The following CDYL2 variants were observed in gnomAD, a reference collection of about 807,000 sequenced individuals.
The protein encoded by CDYL2 is chromodomain Y like 2, also known as chromodomain Y-like protein 2.
Under a neutral mutation model 49.4 loss-of-function variants are expected in CDYL2, and 23 were observed. The observed-to-expected ratio is 0.47, with a 90% confidence interval of 0.34 to 0.66. CDYL2 has a LOEUF of 0.66. CDYL2 is among the 30% of genes least tolerant of loss of function. The pLI is 0.01. For synonymous variants in CDYL2, 360 were observed against 268.8 expected (o/e 1.34, Z -3.32); for missense variants, 678 against 656.4 (o/e 1.03, Z -0.36).
chr16:80,797,160 C>G (rs1251503744), intron 1 of CDYL2, among the ~76,000 whole-genome samples: 9 of 152,170 alleles, frequency 5.9e-5, no homozygotes. Flanking sequence ...TTCCCAATCC[C>G]TATCGCCATG....
At chr16:80,779,855 C>T (rs1907206150) in intron 1 of CDYL2, among the ~76,000 whole-genome samples, 1 of 152,034 alleles carries the variant, frequency 6.6e-6, no homozygotes, top group Non-Finnish European at 1.5e-5. Context: ...GCTAAATTAA[C>T]AAATTATGAG....
intron 2 of CDYL2, among the ~76,000 whole-genome samples, chr16:80,642,270 C>G (rs1303704646): frequency 6.6e-6 from 1 of 151,952 alleles, no homozygotes; most frequent in Non-Finnish European, 1.5e-5. Flanking sequence ...TGATGAAACC[C>G]CATCTCTACT....
intron 3 of CDYL2, among the ~76,000 whole-genome samples, chr16:80,626,552 T>C (rs1907312957): frequency 6.6e-6 from 1 of 152,110 alleles, no homozygotes; most frequent in East Asian, 1.9e-4. Context: ...AATACATGAA[T>C]TATAATGAAT....
chr16:80,782,183 C>T (rs1421406862), intron 1 of CDYL2, among the ~76,000 whole-genome samples: 1 of 151,716 alleles, frequency 6.6e-6, no homozygotes, highest in East Asian at 1.9e-4. Context: ...TTACTACAGG[C>T]TTTACAGAAA....
At chr16:80,620,312 G>T (rs1907021799) in intron 4 of CDYL2, among the ~76,000 whole-genome samples, 1 of 152,156 alleles carries the variant, frequency 6.6e-6, no homozygotes, top group African/African-American at 2.4e-5. Context: ...AGCTGCCCAG[G>T]GAACCCCTCC....
At chr16:80,757,080 C>A (rs556191453) in intron 1 of CDYL2, among the ~76,000 whole-genome samples, 1 of 152,162 alleles carries the variant, frequency 6.6e-6, no homozygotes, top group South Asian at 2.1e-4. Flanking sequence ...AAATGCTAGC[C>A]TACCAAACAA....
At chr16:80,633,364 G>A (rs1907663354) in intron 2 of CDYL2, 128 bp from the exon 3 acceptor site, 1 of 852,462 alleles carries the variant, frequency 1.2e-6, no homozygotes, top group South Asian at 1.7e-5. Context: ...CTTCTCCCCT[G>A]TGCCACCCTC....
intron 1 of CDYL2, among the ~76,000 whole-genome samples, chr16:80,763,987 G>T (rs750297260): frequency 1.3e-5 from 2 of 151,768 alleles, no homozygotes; most frequent in Non-Finnish European, 2.9e-5. Flanking sequence ...AATGAATTAG[G>T]GTACCCAGGA....
chr16:80,669,909 A>G (rs1909429514), intron 2 of CDYL2, among the ~76,000 whole-genome samples: 1 of 152,176 alleles, frequency 6.6e-6, no homozygotes, highest in African/African-American at 2.4e-5. Flanking sequence ...GACCCTGCCC[A>G]GCCAGACACA....
chr16:80,742,033 G>A (rs1207678285), intron 1 of CDYL2: 1 of 152,184 alleles, frequency 6.6e-6, no homozygotes, highest in African/African-American at 2.4e-5. Context: ...TGCTTCAAAT[G>A]GATTGTGTAT....
At chr16:80,784,809 G>A (rs1907381377) in intron 1 of CDYL2, among the ~76,000 whole-genome samples, 1 of 152,136 alleles carries the variant, frequency 6.6e-6, no homozygotes, top group African/African-American at 2.4e-5. Context: ...GAGAAGCTGG[G>A]CTGCCCCAAG....
chr16:80,608,352 G>A, intron 5 of CDYL2, 117 bp from the exon 6 acceptor site: 1 of 1,140,182 alleles, frequency 8.8e-7, no homozygotes. Flanking sequence ...TTGCCTTCCA[G>A]ATCCTTATCT....
In CDYL2 at chr16:80,610,723, A is replaced by G. The variant is rs1259927450; in HGVS notation, c.1218+1903T>C. Among the ~76,000 whole-genome samples the G allele has an allele frequency of 2.0e-5, 3 of 152,136 alleles. No homozygotes were observed. In the South Asian group the frequency reaches 6.2e-4, roughly 32 times the overall value. On this transcript the variant is annotated intron_variant, in intron 5 of 6. Transcript: ENST00000570137. ...GTCCAAGAGGCATGATGACAGCACC[A>G]AGCTCCCAGCACACTTTGCAGGGCC...
intron 1 of CDYL2, among the ~76,000 whole-genome samples, chr16:80,766,802 G>C (rs1352219209): frequency 6.6e-6 from 1 of 152,186 alleles, no homozygotes; most frequent in Non-Finnish European, 1.5e-5. Context: ...ATGGAGAGTA[G>C]CATTTAAAAG....
At position 80,612,675 on chromosome 16, in the gene CDYL2, G is replaced by A; in HGVS notation, c.1169C>T (p.Pro390Leu). The A allele has an allele frequency of 6.2e-7, 1 of 1,613,170 alleles. No individual in the cohort carries two copies. Among genetic ancestry groups the A allele is most frequent in the Non-Finnish European group, 8.5e-7 (1 of 1,179,930 alleles). ...QTPYATIRLTPAGCSSYTFPQ... is the reference protein window; with the variant it reads ...QTPYATIRLTLAGCSSYTFPQ... ...GAAGGTGTAGGAGGAGCAGCCAGCA[G>A]GCGTGAGGCGGATGGTGGCGTAGGG... Residue 390 changes from proline to leucine, a missense_variant, in exon 5 of 7, where the codon CCT (proline) becomes CTT (leucine). By Grantham distance (98) the Pro-to-Leu change is moderately conservative. Around this residue, in one of 3 missense-constraint regions of CDYL2, gnomAD observed 153 missense variants for 150.6 expected, o/e 1.02. Coordinates refer to ENST00000570137, the MANE Select transcript of CDYL2 (RefSeq NM_152342.4). This position sits in a 1 kb window ranked among gnomAD's most constrained non-coding sequence, Gnocchi z 5.0.
intron 1 of CDYL2, among the ~76,000 whole-genome samples, chr16:80,753,354 A>C (rs553775531): frequency 8.5e-4 from 130 of 152,224 alleles, no homozygotes; most frequent in Middle Eastern, 3.4e-3. Context: ...CACACCTGTA[A>C]CCCCAGCATT....
At chr16:80,657,315 C>T (rs1224462920) in intron 2 of CDYL2, among the ~76,000 whole-genome samples, 1 of 152,102 alleles carries the variant, frequency 6.6e-6, no homozygotes, top group Non-Finnish European at 1.5e-5. Context: ...GAAACAAGGA[C>T]AGTGAATAGC....
At chr16:80,649,028 G>C (rs1284292159) in intron 2 of CDYL2, among the ~76,000 whole-genome samples, 1 of 152,062 alleles carries the variant, frequency 6.6e-6, no homozygotes, top group Admixed American at 6.6e-5. Flanking sequence ...AGAACAGCTA[G>C]TATCCTGCTG....
rs7200510 is a variant in CDYL2, at chr16:80,716,716, G to C, written c.25-31587C>G. On this transcript the variant is annotated intron_variant, in intron 1 of 6. Transcript: ENST00000570137. ...GTAATTGAATGAATGGATAGATATA[G>C]TGATGGATGGATAATGGATGGATCG... 4.8e-3 allele frequency among the ~76,000 whole-genome samples: 736 copies of C among 151,994 alleles called. 8 individuals are homozygous for C. Among genetic ancestry groups the C allele is most frequent in the African/African-American group, 0.017 (704 of 41,438 alleles).
Sources: allele counts gnomAD v4.1 joint callset (sites outside exome capture counted in the v4.1 genomes callset), GRCh38; gene constraint gnomAD v4.1.1; regional missense constraint gnomAD v4.1.1; non-coding constraint Gnocchi (gnomAD v3.1); transcripts MANE v1.5; gene names NCBI Gene and HGNC (gene_info 2026-07-23, HGNC 2026-07-21).